Variants in RGS6 observed in about 807,000 individuals in gnomAD.
The protein encoded by RGS6 is regulator of G-protein signaling 6.
In RGS6, 30 loss-of-function variants were observed where a neutral mutation model predicts 78.5. The ratio of observed to expected loss-of-function variants is 0.38; its 90% CI spans 0.29 to 0.52. The LOEUF (loss-of-function observed/expected upper bound fraction) is 0.52. Among genes scored for constraint, RGS6 ranks in the 20% least tolerant of loss-of-function variants. The probability of loss-of-function intolerance (pLI) is 0.85; values close to 1 mark genes in which losing one functional copy is unlikely to be tolerated. For synonymous variants in RGS6, 206 were observed against 206.0 expected (o/e 1.00, Z 0.00); for missense variants, 495 against 609.7 (o/e 0.81, Z 1.98).
intron 15 of RGS6, among the ~76,000 whole-genome samples, chr14:72,526,074 C>T (rs1378656339): frequency 1.3e-5 from 2 of 152,060 alleles, no homozygotes; most frequent in African/African-American, 4.8e-5. Context: ...AACCCCATGA[C>T]CTCCTTGAGG....
chr14:72,375,382 T>C (rs2084434277), intron 3 of RGS6, among the ~76,000 whole-genome samples: 1 of 152,092 alleles, frequency 6.6e-6, no homozygotes, highest in African/African-American at 2.4e-5. Flanking sequence ...TCAAAATGAC[T>C]AGAGAGGGCC....
chr14:72,442,189 G>T (rs894893118), intron 3 of RGS6, among the ~76,000 whole-genome samples: 1 of 152,082 alleles, frequency 6.6e-6, no homozygotes, highest in Non-Finnish European at 1.5e-5. Flanking sequence ...TGTAGGTCAT[G>T]CCAGAGCATG....
At chr14:72,103,530 A>G (rs1322076145) in intron 2 of RGS6, among the ~76,000 whole-genome samples, 1 of 152,218 alleles carries the variant, frequency 6.6e-6, no homozygotes, top group African/African-American at 2.4e-5. Context: ...TGTTCTCCTG[A>G]ACTTACGTAT....
intron 2 of RGS6, among the ~76,000 whole-genome samples, chr14:72,004,656 A>G (rs1474211093): frequency 3.9e-5 from 6 of 151,994 alleles, no homozygotes; most frequent in Non-Finnish European, 8.8e-5. Flanking sequence ...CAACATGGTA[A>G]AACCCTGTCT....
At chr14:72,409,697 G>A (rs1289937490) in intron 3 of RGS6, among the ~76,000 whole-genome samples, 2 of 151,912 alleles carry the variant, frequency 1.3e-5, no homozygotes. Flanking sequence ...ATATCTCTCA[G>A]TGCTATCCCT....
intron 2 of RGS6, among the ~76,000 whole-genome samples, chr14:72,161,644 T>C (rs560100618): frequency 4.6e-5 from 7 of 152,282 alleles, no homozygotes; most frequent in East Asian, 1.9e-4. Flanking sequence ...TACTGAAATA[T>C]TCTGTTTCTA....
At chr14:72,299,101 T>C (rs2065511472) in intron 2 of RGS6, among the ~76,000 whole-genome samples, 1 of 152,254 alleles carries the variant, frequency 6.6e-6, no homozygotes, top group Admixed American at 6.5e-5. Flanking sequence ...CCTTTTATTG[T>C]GTCTTTGTAG....
intron 2 of RGS6, among the ~76,000 whole-genome samples, chr14:72,031,100 T>C (rs1263714746): frequency 6.6e-6 from 1 of 152,020 alleles, no homozygotes. Flanking sequence ...ATTGGCCAAG[T>C]AGACTCAGTT....
chr14:72,009,763 G>A (rs561210241), intron 2 of RGS6, among the ~76,000 whole-genome samples: 53 of 152,316 alleles, frequency 3.5e-4, no homozygotes, highest in African/African-American at 1.2e-3. Context: ...TTGCTTCACA[G>A]CAATAGGTAA....
the RGS6 span, among the ~76,000 whole-genome samples, chr14:71,918,709 C>A: frequency 6.6e-6 from 1 of 152,116 alleles, no homozygotes; most frequent in African/African-American, 2.4e-5. Flanking sequence ...TTTTCCATTA[C>A]GTGAAATAGT....
At chr14:72,130,272 A>C (rs1160485439) in intron 2 of RGS6, among the ~76,000 whole-genome samples, 1 of 152,190 alleles carries the variant, frequency 6.6e-6, no homozygotes, top group Admixed American at 6.5e-5. Context: ...CTGGTACATC[A>C]TATTTTCACC....
intron 3 of RGS6, among the ~76,000 whole-genome samples, chr14:72,352,768 T>TA (rs974827520): frequency 6.6e-6 from 1 of 152,168 alleles, no homozygotes; most frequent in African/African-American, 2.4e-5. Context: ...AGAACATTAT[T>TA]ATCAATATCT....
intron 2 of RGS6, among the ~76,000 whole-genome samples, chr14:72,261,263 A>G (rs954773812): frequency 7.2e-5 from 11 of 152,126 alleles, no homozygotes; most frequent in African/African-American, 2.7e-4. Flanking sequence ...TTTCCTCACC[A>G]CTGATGTCAC....
At position 72,495,152 on chromosome 14, in the gene RGS6, T is replaced by C. The variant is rs2096628149; in HGVS notation, c.855T>C (p.Ser285=). 1.9e-6 allele frequency: 3 copies of C among 1,597,980 alleles called. No homozygotes were observed. Among genetic ancestry groups the C allele is most frequent in the Middle Eastern group, 3.3e-4 (2 of 6,032 alleles). Residue 285 remains serine (S), a splice_region_variant and synonymous_variant, in exon 13 of 18, where the codon AGT becomes AGC. Coordinates refer to ENST00000553525, the MANE Select transcript of RGS6 (RefSeq NM_001204424.2). The stretch of plus-strand genomic sequence containing the variant: ...TCTTTGCTCTGCCTCCCTCCTGCAG[T>C]TTAATTGCCTACACGGAACAATATG... ...HCLKMSKVAE[S]LIAYTEQYVE...
At chr14:72,391,780 G>A (rs1566712036) in intron 3 of RGS6, among the ~76,000 whole-genome samples, 1 of 152,122 alleles carries the variant, frequency 6.6e-6, no homozygotes, top group Non-Finnish European at 1.5e-5. Context: ...CCTGGTGTGT[G>A]ATGTTCCCCT....
intron 2 of RGS6, among the ~76,000 whole-genome samples, chr14:72,290,609 T>A (rs905070490): frequency 6.6e-6 from 1 of 152,218 alleles, no homozygotes; most frequent in African/African-American, 2.4e-5. Context: ...TGGGGATTGA[T>A]TTCAAGAATC....
chr14:72,143,425 A>C (rs1273842509), intron 2 of RGS6, among the ~76,000 whole-genome samples: 1 of 151,680 alleles, frequency 6.6e-6, no homozygotes, highest in East Asian at 1.9e-4. Flanking sequence ...TTCACCCTAC[A>C]CTCCATTTAC....
rs760072084 is a variant in RGS6 at position 72,090,112 on chromosome 14, C to CAAAAAA, written c.84+125249_84+125254dup. On this transcript the variant is annotated intron_variant, in intron 2 of 17. Transcript: ENST00000553525. ...CGGGTGACAGAGCAAGACTCCATCT[C>CAAAAAA]AAAAAAAAAAAAAAAAATAAAGCCT... 6.7e-5 allele frequency among the ~76,000 whole-genome samples: 3 copies of CAAAAAA among 44,448 alleles called. 1 individual carries two copies. The highest frequency in any genetic ancestry group is 1.1e-4 in the Non-Finnish European group (2 of 18,598). 29.2% of individuals were successfully genotyped at this position (44,448 alleles called of 152,430 possible).
chr14:72,329,549 G>A (rs2074537909), intron 2 of RGS6, among the ~76,000 whole-genome samples: 1 of 152,266 alleles, frequency 6.6e-6, no homozygotes, highest in African/African-American at 2.4e-5. Flanking sequence ...TGTCTGTCCA[G>A]TAAGTCCTTT....
Sources: gnomAD v4.1 joint callset for allele counts (sites outside exome capture counted in the v4.1 genomes callset) on GRCh38, gnomAD v4.1.1 for gene constraint, MANE v1.5 for transcripts, NCBI Gene and HGNC (gene_info 2026-07-23, HGNC 2026-07-21) for gene names.